The following WDR59 variants were observed in gnomAD, a reference collection of about 807,000 sequenced individuals.
The protein encoded by WDR59 is WD repeat domain 59.
A neutral mutation model predicts 131.2 loss-of-function variants in WDR59; 100 were observed. That is an observed-to-expected ratio of 0.76 (90% CI 0.65 to 0.90). WDR59 has a LOEUF of 0.90. Among genes scored for constraint, WDR59 ranks in the 40% least tolerant of loss-of-function variants. The pLI is 0.00. For synonymous variants in WDR59, 601 were observed against 466.2 expected (o/e 1.29, Z -3.72); for missense variants, 1,203 against 1,262.2 (o/e 0.95, Z 0.71).
intron 18 of WDR59, among the ~76,000 whole-genome samples, chr16:74,900,719 C>T (rs531416392): frequency 3.3e-5 from 5 of 152,256 alleles, no homozygotes; most frequent in African/African-American, 1.2e-4. Flanking sequence ...TTTGGGTGAA[C>T]ATAACAATAT....
intron 23 of WDR59, among the ~76,000 whole-genome samples, chr16:74,886,674 C>T (rs1160148210): frequency 1.3e-5 from 2 of 152,158 alleles, no homozygotes; most frequent in Non-Finnish European, 2.9e-5. Context: ...AATCCCAGCA[C>T]TTTTGGAGGC....
Position 74,889,768 on chromosome 16 carries a change from T to C in WDR59, c.2130A>G (p.Lys710=), listed in dbSNP as rs778014956. 6.2e-7 allele frequency: 1 copy of C among 1,614,104 alleles called. No homozygotes were observed. The highest frequency in any genetic ancestry group is 1.1e-5 in the South Asian group (1 of 91,072). The change falls in exon 21 of 26, where the codon AAA becomes AAG. Residue 710 remains lysine, a synonymous_variant. Coordinates refer to ENST00000262144, the MANE Select transcript of WDR59 (RefSeq NM_030581.4). The part of the protein sequence containing the change: ...TVATDLCLGP[K]SDPDLETPWA... The stretch of plus-strand genomic sequence containing the variant: ...AGGGTGTTTCCAAATCTGGGTCAGA[T>C]TTCGGACCAAGGCAAAGATCTGTAG...
At chr16:74,893,893 T>C (rs1290713948) in intron 18 of WDR59, 81 bp from the exon 19 acceptor site, 2 of 1,491,470 alleles carry the variant, frequency 1.3e-6, no homozygotes, top group Non-Finnish European at 1.8e-6. Context: ...CATATTGGGG[T>C]CATTGGCAAT....
At position 74,925,686 on chromosome 16, in the gene WDR59, T is replaced by C. The variant is rs2030718101; in HGVS notation, c.652-1683A>G. 3.9e-5 allele frequency among the ~76,000 whole-genome samples: 6 copies of C among 152,292 alleles called. No individual in the cohort carries two copies. The South Asian group carries it at 1.2e-3, about 32-fold the overall frequency. Reference sequence around the variant, plus strand: ...TAGCTCTTCAGTGTCATGGAACTGTTTGATACCCTGTGTGGGCAGTTATAT... The same window carrying C: ...TAGCTCTTCAGTGTCATGGAACTGTCTGATACCCTGTGTGGGCAGTTATAT... On this transcript the variant is annotated intron_variant, in intron 8 of 25. Transcript: ENST00000262144.
In WDR59 at chr16:74,893,786, A is replaced by G. The variant is rs1567695487; in HGVS notation, c.1893T>C (p.Arg631=). The change falls in exon 19 of 26, where the codon CGT becomes CGC. Residue 631 remains arginine (R), a synonymous_variant. Transcript: ENST00000262144. ...ERKSRRWKSK[R]EGSDSGNRQI... is the part of the protein sequence containing the mutation. Reference sequence around the variant, plus strand: ...GTCGATTGCCAGAGTCTGATCCCTCACGCTTACTTTTCCATCGTCTTGATT... The same window carrying G: ...GTCGATTGCCAGAGTCTGATCCCTCGCGCTTACTTTTCCATCGTCTTGATT... 1 of 1,614,106 alleles carries G rather than the reference A, an allele frequency of 6.2e-7. No individual in the cohort carries two copies. The highest frequency in any genetic ancestry group is 1.7e-5 in the Admixed American group (1 of 60,002).
chr16:74,933,424 A>G (rs1405858906), intron 8 of WDR59, among the ~76,000 whole-genome samples: 2 of 152,164 alleles, frequency 1.3e-5, no homozygotes, highest in African/African-American at 2.4e-5. Context: ...GCAGAGATTC[A>G]CCAAAATACT....
intron 2 of WDR59, chr16:74,959,724 G>C (rs902742355): frequency 7.6e-6 from 2 of 261,468 alleles, no homozygotes; most frequent in Non-Finnish European, 1.5e-5. Flanking sequence ...AGGCTGCAGC[G>C]AGCCATGATT....
intron 24 of WDR59, 34 bp from the exon 25 acceptor site, chr16:74,885,829 C>T: frequency 6.2e-7 from 1 of 1,603,604 alleles, no homozygotes; most frequent in East Asian, 2.2e-5. Flanking sequence ...CTGTCAGTTC[C>T]TTTAAGAAAA....
At chr16:74,959,653 G>A (rs892533497) in intron 2 of WDR59, 1 of 390,840 alleles carries the variant, frequency 2.6e-6, no homozygotes, top group African/African-American at 2.2e-5. Flanking sequence ...GTGGTGACAT[G>A]TGCCTGTACT....
chr16:74,926,059 A>AT (rs35909183), intron 8 of WDR59, among the ~76,000 whole-genome samples: 76,790 of 129,150 alleles, frequency 0.59, 23,466 homozygotes, highest in East Asian at 0.71. Context: ...AGTCTAATAA[A>AT]TTTTTTTTTT....
intron 3 of WDR59, among the ~76,000 whole-genome samples, chr16:74,955,253 G>A (rs1329964332): frequency 1.3e-5 from 2 of 152,184 alleles, no homozygotes; most frequent in Non-Finnish European, 2.9e-5. Context: ...ACAGTGGCTG[G>A]AGACATTTTT....
chr16:74,944,772 T>G (rs1388993242), intron 6 of WDR59, among the ~76,000 whole-genome samples: 1 of 151,880 alleles, frequency 6.6e-6, no homozygotes, highest in Non-Finnish European at 1.5e-5. Flanking sequence ...AAAGAAGTCT[T>G]CTACTTCCAT....
At chr16:74,874,890 CTGTTTTTTTT>C (rs991984284) in intron 25 of WDR59, among the ~76,000 whole-genome samples, 2 of 149,858 alleles carry the variant, frequency 1.3e-5, no homozygotes, top group Admixed American at 6.6e-5. Context: ...TGTGCCCAGC[CTGTTTTTTTT>C]TGTTTTTTTT....
intron 2 of WDR59, among the ~76,000 whole-genome samples, chr16:74,958,561 C>A (rs577077106): frequency 8.8e-6 from 1 of 113,850 alleles, no homozygotes; most frequent in Non-Finnish European, 1.7e-5. Flanking sequence ...CCACTGCACT[C>A]CAGCCTGGGG....
chr16:74,959,891 T>C (rs1233890882), intron 2 of WDR59, among the ~76,000 whole-genome samples: 3 of 147,418 alleles, frequency 2.0e-5, no homozygotes, highest in African/African-American at 5.0e-5. Flanking sequence ...CGGCGATAAA[T>C]GCAGAAGAGA....
chr16:74,946,256 A>G (rs984992009), intron 6 of WDR59, among the ~76,000 whole-genome samples: 3 of 152,214 alleles, frequency 2.0e-5, no homozygotes, highest in Non-Finnish European at 2.9e-5. Context: ...GAAACATAGT[A>G]TATTTGGTTC....
At chr16:74,931,129 A>G (rs531962601) in intron 8 of WDR59, among the ~76,000 whole-genome samples, 1 of 152,172 alleles carries the variant, frequency 6.6e-6, no homozygotes, top group Non-Finnish European at 1.5e-5. Flanking sequence ...GATTTTTAAC[A>G]TACTATTCTA....
chr16:74,957,836 G>A (rs976561219), intron 2 of WDR59, among the ~76,000 whole-genome samples: 1 of 152,130 alleles, frequency 6.6e-6, no homozygotes, highest in Non-Finnish European at 1.5e-5. Flanking sequence ...GAAGAGCCAG[G>A]AAATGGCATA....
At position 74,871,508 on chromosome 16, in the gene WDR59, T is replaced by C. The variant is rs1964011975; in HGVS notation, c.*2701A>G. 1 of 152,262 alleles carries C rather than the reference T, an allele frequency of 6.6e-6. No individual in the cohort carries two copies. Among genetic ancestry groups the C allele is most frequent in the Non-Finnish European group, 1.5e-5 (1 of 68,046 alleles). 9.4% of individuals were successfully genotyped at this position (152,262 alleles called of 1,614,324 possible). A position where few individuals can be genotyped will look rare whatever the true frequency, so the allele number is the denominator to read the frequency against. Reference sequence around the variant, plus strand: ...TGGAAATTCAAAAGGAATTTCCGTATTGAAGGATGACATTATGTAATATTT... The same window carrying C: ...TGGAAATTCAAAAGGAATTTCCGTACTGAAGGATGACATTATGTAATATTT... On this transcript the variant is annotated 3_prime_UTR_variant, in exon 26 of 26. Transcript: ENST00000262144.
Sources: gnomAD v4.1 joint callset for allele counts (sites outside exome capture counted in the v4.1 genomes callset) on GRCh38, gnomAD v4.1.1 for gene constraint, MANE v1.5 for transcripts, NCBI Gene and HGNC (gene_info 2026-07-23, HGNC 2026-07-21) for gene names.